MLLT3: variants seen among roughly 807,000 people sequenced by gnomAD.
The protein encoded by MLLT3 is protein AF-9.
Under a neutral mutation model 53.2 loss-of-function variants are expected in MLLT3, and 4 were observed. The observed-to-expected ratio is 0.08, with a 90% CI of 0.04 to 0.17. The LOEUF is 0.17. Among genes scored for constraint, MLLT3 ranks in the 10% least tolerant of loss-of-function variants. The pLI is 1.00. For missense variants in MLLT3, 569 were observed against 684.0 expected (o/e 0.83, Z 1.87); for synonymous variants, 283 against 230.6 (o/e 1.23, Z -2.06).
Position 20,346,293 on chromosome 9 carries a change from G to T in MLLT3, c.*150C>A. 1.2e-6 allele frequency: 1 copy of T among 831,750 alleles called. No homozygotes were observed. The highest frequency in any genetic ancestry group is 1.8e-6 in the Non-Finnish European group (1 of 568,722). The allele number at this position is 831,750 out of a possible 1,614,324, so 51.5% of individuals were successfully genotyped here. A position where few individuals can be genotyped will look rare whatever the true frequency, so the allele number is the denominator to read the frequency against. ...ACTGGCTTTAAAGAAAAATAAAGCT[G>T]AAGGTTGTTTGATTTTTATTTTTTC... On this transcript the variant is annotated 3_prime_UTR_variant, in exon 11 of 11. Transcript: ENST00000380338.
chr9:20,472,537 G>C (rs1271232094), intron 2 of MLLT3, among the ~76,000 whole-genome samples: 1 of 151,984 alleles, frequency 6.6e-6, no homozygotes, highest in Non-Finnish European at 1.5e-5. Flanking sequence ...TGGGGGTTGG[G>C]CATTAAACAA....
intron 2 of MLLT3, among the ~76,000 whole-genome samples, chr9:20,515,768 A>G (rs531280771): frequency 2.6e-5 from 4 of 152,290 alleles, no homozygotes; most frequent in South Asian, 4.2e-4. Context: ...AGCCGGAGTC[A>G]TAACAGGCAG....
rs1676023184 is a variant in MLLT3 at position 20,342,567 on chromosome 9, T to C, written c.*3876A>G. ...CAAGTGCCAAAATACACATTTACAG[T>C]TTACAGACAGCGGTGGCTTTGTCTT... On this transcript the variant is annotated 3_prime_UTR_variant, in exon 11 of 11. Transcript: ENST00000380338. 4.5e-6 allele frequency: 1 copy of C among 220,374 alleles called. No homozygotes were observed. Among genetic ancestry groups the C allele is most frequent in the Non-Finnish European group, 9.1e-6 (1 of 110,144 alleles). The allele number at this position is 220,374 out of a possible 1,614,324, so 13.7% of individuals were successfully genotyped here.
At position 20,405,254 on chromosome 9, in the gene MLLT3, A is replaced by G. The variant is rs537878570; in HGVS notation, c.1125+8467T>C. ...GCAAGACTCAATCAGCATTTTAGAA[A>G]TCATGCCAGAGTCCATTACTCACAC... On this transcript the variant is annotated intron_variant, in intron 5 of 10. Transcript: ENST00000380338. 5.9e-5 allele frequency among the ~76,000 whole-genome samples: 9 copies of G among 152,318 alleles called. 1 individual carries two copies. Among genetic ancestry groups the G allele is most frequent in the African/African-American group, 2.2e-4 (9 of 41,564 alleles).
intron 2 of MLLT3, among the ~76,000 whole-genome samples, chr9:20,524,123 C>G (rs568257524): frequency 6.6e-6 from 1 of 152,110 alleles, no homozygotes; most frequent in East Asian, 1.9e-4. Flanking sequence ...GGATAGATGT[C>G]ATTATACACT....
At chr9:20,579,791 A>G (rs1819744218) in intron 2 of MLLT3, among the ~76,000 whole-genome samples, 1 of 152,192 alleles carries the variant, frequency 6.6e-6, no homozygotes, top group African/African-American at 2.4e-5. Flanking sequence ...ACATGGTAAC[A>G]GCATAAAGGT....
chr9:20,406,071 C>T (rs1822570310), intron 5 of MLLT3, among the ~76,000 whole-genome samples: 1 of 151,830 alleles, frequency 6.6e-6, no homozygotes, highest in Non-Finnish European at 1.5e-5. Flanking sequence ...GAGATTGCAC[C>T]ACTACACTCC....
intron 2 of MLLT3, among the ~76,000 whole-genome samples, chr9:20,570,177 T>C (rs776970706): frequency 4.8e-5 from 7 of 147,076 alleles, no homozygotes; most frequent in South Asian, 4.4e-4. Context: ...GCTTTGAAAA[T>C]AGAGTATGAA....
Position 20,573,482 on chromosome 9 carries a change from G to A in MLLT3, c.193+47172C>T, listed in dbSNP as rs777110257. On this transcript the variant is annotated intron_variant, in intron 2 of 10. Transcript: ENST00000380338. ...GGCATGAACCACTGTGGCCAGCCAC[G>A]AGGAAGATTTTAAAAACCACTAAGA... Among the ~76,000 whole-genome samples, 26 of 152,048 alleles carry A rather than the reference G, an allele frequency of 1.7e-4. 1 individual carries two copies. Among genetic ancestry groups the A allele is most frequent in the Non-Finnish European group, 3.7e-4 (25 of 68,000 alleles).
At chr9:20,607,290 T>C (rs1184516764) in intron 2 of MLLT3, among the ~76,000 whole-genome samples, 1 of 152,160 alleles carries the variant, frequency 6.6e-6, no homozygotes. Flanking sequence ...AAGACATCTA[T>C]ATAAATTAAC....
chr9:20,602,242 A>G (rs1194177752), intron 2 of MLLT3, among the ~76,000 whole-genome samples: 1 of 152,170 alleles, frequency 6.6e-6, no homozygotes, highest in African/African-American at 2.4e-5. Context: ...CTTTGCTTTC[A>G]GAGAAATTTT....
intron 5 of MLLT3, among the ~76,000 whole-genome samples, chr9:20,377,038 T>C (rs1050543781): frequency 2.0e-5 from 3 of 152,158 alleles, no homozygotes; most frequent in African/African-American, 7.2e-5. Flanking sequence ...GTTTTCTCTT[T>C]CTCTTTTGTG....
rs943195862 is a variant in MLLT3 at position 20,424,937 on chromosome 9, C to A, written c.421-10512G>T. Among the ~76,000 whole-genome samples the A allele has an allele frequency of 2.6e-5, 4 of 152,228 alleles. No individual in the cohort carries two copies. The East Asian group carries it at 7.7e-4, about 29-fold the overall frequency. ...TAAATAACATGTATATGCAATGTGG[C>A]CGGGCACAAAGCAGGAACTATGTGA... On this transcript the variant is annotated intron_variant, in intron 4 of 10. Coordinates refer to ENST00000380338, the MANE Select transcript of MLLT3 (RefSeq NM_004529.4).
intron 2 of MLLT3, among the ~76,000 whole-genome samples, chr9:20,473,899 C>T (rs1824457095): frequency 6.6e-6 from 1 of 152,090 alleles, no homozygotes; most frequent in Admixed American, 6.6e-5. Flanking sequence ...CTAGTCACTG[C>T]ACAAATAGAA....
intron 2 of MLLT3, among the ~76,000 whole-genome samples, chr9:20,582,070 T>C (rs1819806863): frequency 6.6e-6 from 1 of 152,238 alleles, no homozygotes; most frequent in East Asian, 1.9e-4. Context: ...TAAGCTGTAC[T>C]TTTTAAAGCA....
intron 5 of MLLT3, among the ~76,000 whole-genome samples, chr9:20,403,497 C>T (rs1229170979): frequency 6.6e-6 from 1 of 152,050 alleles, no homozygotes; most frequent in African/African-American, 2.4e-5. Context: ...TTATACAAAA[C>T]ACAGAGGACT....
At chr9:20,437,301 C>T in intron 4 of MLLT3, among the ~76,000 whole-genome samples, 1 of 151,994 alleles carries the variant, frequency 6.6e-6, no homozygotes, top group Non-Finnish European at 1.5e-5. Flanking sequence ...CATCTGATGT[C>T]AAGCTATTTT....
At chr9:20,593,468 C>G (rs1820177692) in intron 2 of MLLT3, among the ~76,000 whole-genome samples, 1 of 152,136 alleles carries the variant, frequency 6.6e-6, no homozygotes, top group Non-Finnish European at 1.5e-5. Flanking sequence ...AATAATTTTT[C>G]TTGCTGCACT....
intron 2 of MLLT3, among the ~76,000 whole-genome samples, chr9:20,606,299 A>G (rs935809798): frequency 6.7e-6 from 1 of 149,434 alleles, no homozygotes; most frequent in Admixed American, 6.7e-5. Flanking sequence ...TTTAAATACT[A>G]TTTTATTGAG....
Sources: allele counts gnomAD v4.1 joint callset (sites outside exome capture counted in the v4.1 genomes callset), GRCh38; gene constraint gnomAD v4.1.1; transcripts MANE v1.5; gene names NCBI Gene and HGNC (gene_info 2026-07-23, HGNC 2026-07-21).